Variants in RBFOX3 observed in about 807,000 individuals in gnomAD.
RBFOX3 encodes RNA binding fox-1 homolog 3.
Under a neutral mutation model 48.7 loss-of-function variants are expected in RBFOX3, and 17 were observed. The observed-to-expected ratio is 0.35, with a 90% CI of 0.24 to 0.52. The LOEUF is 0.52. RBFOX3 is among the 20% of genes least tolerant of loss of function. RBFOX3 has a pLI of 0.94. For synonymous variants in RBFOX3, 212 were observed against 209.5 expected (o/e 1.01, Z -0.10); for missense variants, 382 against 497.5 (o/e 0.77, Z 2.21).
rs964064901 is a variant in RBFOX3 at position 79,392,407 on chromosome 17, C to T, written c.-174-84583G>A. On this transcript the variant is annotated intron_variant, in intron 2 of 14. Transcript: ENST00000693108. This position sits in a 1 kb window ranked among gnomAD's most constrained non-coding sequence, Gnocchi z 5.0. Reference sequence around the variant, plus strand: ...GAAGATTCATAAGCTAACTCTCACACGGTAGTGAGCGCAGGGCCCGGCCAC... The same window carrying T: ...GAAGATTCATAAGCTAACTCTCACATGGTAGTGAGCGCAGGGCCCGGCCAC... Among the ~76,000 whole-genome samples the T allele has an allele frequency of 1.3e-5, 2 of 152,116 alleles. No homozygotes were observed. Among genetic ancestry groups the T allele is most frequent in the Non-Finnish European group, 1.5e-5 (1 of 68,028 alleles).
At chr17:79,609,509 G>C (rs2093920626) in intron 1 of RBFOX3, among the ~76,000 whole-genome samples, 1 of 152,206 alleles carries the variant, frequency 6.6e-6, no homozygotes, top group Admixed American at 6.5e-5. Context: ...GGCTCCGCGG[G>C]ACTCCTTTTT....
At chr17:79,509,931 A>G (rs1718968611) in intron 1 of RBFOX3, among the ~76,000 whole-genome samples, 1 of 151,680 alleles carries the variant, frequency 6.6e-6, no homozygotes, top group South Asian at 2.1e-4. Flanking sequence ...TTACTTGGGC[A>G]TGACGCCTGG....
chr17:79,588,191 G>C (rs1307622849), intron 1 of RBFOX3, among the ~76,000 whole-genome samples: 1 of 152,158 alleles, frequency 6.6e-6, no homozygotes, highest in South Asian at 2.1e-4. Context: ...TGCTGGAGCT[G>C]GACCATGCAG....
chr17:79,545,312 G>C (rs1555791578), intron 1 of RBFOX3, among the ~76,000 whole-genome samples: 4 of 152,188 alleles, frequency 2.6e-5, no homozygotes, highest in African/African-American at 9.7e-5. Context: ...AGAAGGAAGG[G>C]GCCAGCCGTG....
chr17:79,216,333 C>T lies in RBFOX3; in HGVS notation c.-34+19433G>A, dbSNP rs549960512. 1.1e-3 allele frequency among the ~76,000 whole-genome samples: 173 copies of T among 152,292 alleles called. 2 individuals carry two copies. The highest frequency in any genetic ancestry group is 4.1e-3 in the African/African-American group (171 of 41,564). ...ACAGGGTCCATGTGAGGAAGTGTACCCACCTGACGGAAGAAGGTGGAGACC... is the reference window on the plus strand; with the variant it reads ...ACAGGGTCCATGTGAGGAAGTGTACTCACCTGACGGAAGAAGGTGGAGACC... On this transcript the variant is annotated intron_variant, in intron 4 of 14. Transcript: ENST00000693108.
At chr17:79,450,069 C>T (rs776021187) in intron 2 of RBFOX3, among the ~76,000 whole-genome samples, 21 of 152,028 alleles carry the variant, frequency 1.4e-4, no homozygotes, top group Middle Eastern at 3.2e-3. Flanking sequence ...AACGATGGGA[C>T]GTTTCTAACA....
chr17:79,660,923 T>G, the RBFOX3 span, among the ~76,000 whole-genome samples: 1 of 152,200 alleles, frequency 6.6e-6, no homozygotes, highest in Admixed American at 6.5e-5. Context: ...ACATGATACA[T>G]ATATACCATG....
At chr17:79,250,831 C>CTCTT (rs1337844272) in intron 3 of RBFOX3, among the ~76,000 whole-genome samples, 1 of 131,602 alleles carries the variant, frequency 7.6e-6, no homozygotes, top group Non-Finnish European at 1.6e-5. Flanking sequence ...CTCTCTTTCT[C>CTCTT]TCTTTCTTTC....
rs980307459 is a variant in RBFOX3, at chr17:79,492,124, T to C, written c.-319-9526A>G. ...GCACAGTATGATGTTTCAAGGCCGA[T>C]GGGGCTGAGCTCACACTGGACATGC... is the stretch of plus-strand genomic sequence containing the variant. On this transcript the variant is annotated intron_variant, in intron 1 of 14. Coordinates refer to ENST00000693108, the MANE Select transcript of RBFOX3 (RefSeq NM_001350451.2). Among the ~76,000 whole-genome samples the C allele has an allele frequency of 6.6e-5, 10 of 152,258 alleles. No individual in the cohort carries two copies. The South Asian group carries it at 2.1e-3, about 32-fold the overall frequency.
chr17:79,272,401 A>G (rs767644654), intron 3 of RBFOX3, among the ~76,000 whole-genome samples: 3 of 152,164 alleles, frequency 2.0e-5, no homozygotes, highest in Non-Finnish European at 4.4e-5. Flanking sequence ...TGATATTATC[A>G]CTTAAAATCA....
chr17:79,153,077 G>A (rs12450860), intron 4 of RBFOX3, among the ~76,000 whole-genome samples: 6,338 of 152,278 alleles, frequency 0.042, 244 homozygotes, highest in East Asian at 0.21. Context: ...CTCTGTCCCC[G>A]TCCTGCCCCT....
At chr17:79,187,585 G>C (rs933399397) in intron 4 of RBFOX3, among the ~76,000 whole-genome samples, 3 of 152,224 alleles carry the variant, frequency 2.0e-5, no homozygotes, top group Non-Finnish European at 2.9e-5. Context: ...CTCCACAGTG[G>C]GGTGGGGTGG....
chr17:79,423,439 C>T lies in RBFOX3; in HGVS notation c.-175+59015G>A, dbSNP rs942791966. Among the ~76,000 whole-genome samples the T allele has an allele frequency of 2.6e-5, 4 of 152,124 alleles. No individual in the cohort carries two copies. Among genetic ancestry groups the T allele is most frequent in the East Asian group, 1.9e-4 (1 of 5,200 alleles). ...CGGACGTTTGCTATCTCTCTACCTC[C>T]GTGCCCAGCCCCCGGCTATTCTCAG... On this transcript the variant is annotated intron_variant, in intron 2 of 14. Coordinates refer to ENST00000693108, the MANE Select transcript of RBFOX3 (RefSeq NM_001350451.2). This position sits in a 1 kb window ranked among gnomAD's most constrained non-coding sequence, Gnocchi z 4.9.
chr17:79,114,867 C>T (rs2033389487), intron 5 of RBFOX3, among the ~76,000 whole-genome samples: 2 of 152,226 alleles, frequency 1.3e-5, no homozygotes, highest in African/African-American at 4.8e-5. Context: ...CCAGAGCCCA[C>T]TCCAGGCCAG....
chr17:79,160,672 A>G (rs1028866192), intron 4 of RBFOX3, among the ~76,000 whole-genome samples: 1 of 150,788 alleles, frequency 6.6e-6, no homozygotes, highest in African/African-American at 2.5e-5. Context: ...TCATTCATTC[A>G]TTCATTTTTT....
In RBFOX3 at chr17:79,220,266, G is replaced by A. The variant is rs541121911; in HGVS notation, c.-34+15500C>T. Among the ~76,000 whole-genome samples, 11 of 152,344 alleles carry A rather than the reference G, an allele frequency of 7.2e-5. No individual in the cohort carries two copies. Among genetic ancestry groups the A allele is most frequent in the African/African-American group, 2.4e-4 (10 of 41,580 alleles). ...AGGAGACCCAATCAGGGAAGCGGCCGCTGGCGGCAGGTTGGTGGGGGTAGG... is the reference window on the plus strand; with the variant it reads ...AGGAGACCCAATCAGGGAAGCGGCCACTGGCGGCAGGTTGGTGGGGGTAGG... On this transcript the variant is annotated intron_variant, in intron 4 of 14. Transcript: ENST00000693108. This position sits in a 1 kb window ranked among gnomAD's most constrained non-coding sequence, Gnocchi z 5.9.
chr17:79,419,956 G>T (rs903332571), intron 2 of RBFOX3, among the ~76,000 whole-genome samples: 1 of 152,124 alleles, frequency 6.6e-6, no homozygotes, highest in African/African-American at 2.4e-5. Flanking sequence ...GTGAAACCTC[G>T]TCTCTACTAA....
At chr17:79,128,301 T>C (rs1033958766) in intron 4 of RBFOX3, among the ~76,000 whole-genome samples, 15 of 152,136 alleles carry the variant, frequency 9.9e-5, no homozygotes, top group Non-Finnish European at 1.8e-4. Context: ...CATGTGTGGA[T>C]GAGGGGGGGA....
chr17:79,397,603 C>T (rs2062183637), intron 2 of RBFOX3, among the ~76,000 whole-genome samples: 1 of 151,952 alleles, frequency 6.6e-6, no homozygotes, highest in Non-Finnish European at 1.5e-5. Flanking sequence ...CAGATTTAAG[C>T]TTCGGGCCAG....
Sources: gnomAD v4.1 joint callset for allele counts (sites outside exome capture counted in the v4.1 genomes callset) on GRCh38, gnomAD v4.1.1 for gene constraint, Gnocchi (gnomAD v3.1) non-coding constraint, MANE v1.5 for transcripts, NCBI Gene and HGNC (gene_info 2026-07-23, HGNC 2026-07-21) for gene names.